The following GREB1 variants were observed in gnomAD, a reference collection of about 807,000 sequenced individuals.
GREB1 encodes growth regulating estrogen receptor binding 1, also known as protein GREB1.
In GREB1, 106 loss-of-function variants were observed where a neutral mutation model predicts 200.7. That is an observed-to-expected ratio of 0.53 (90% confidence interval 0.45 to 0.62). The LOEUF is 0.62. Among genes scored for constraint, GREB1 ranks in the 20% least tolerant of loss-of-function variants. The pLI is 0.00. For missense variants in GREB1, 2,243 were observed against 2,556.8 expected (o/e 0.88, Z 2.65); for synonymous variants, 1,132 against 1,092.4 (o/e 1.04, Z -0.72).
intron 27 of GREB1, 116 bp from the exon 28 acceptor site, chr2:11,632,773 C>T: frequency 1.3e-6 from 1 of 770,220 alleles, no homozygotes; most frequent in Non-Finnish European, 2.2e-6. Flanking sequence ...TGATTCATGT[C>T]AGGAAGGTCG....
intron 1 of GREB1, among the ~76,000 whole-genome samples, chr2:11,504,992 C>T (rs906022981): frequency 4.6e-5 from 7 of 152,078 alleles, no homozygotes; most frequent in East Asian, 3.9e-4. Context: ...AGTGCAGTGA[C>T]GCCATCTCAG....
At chr2:11,611,960 G>A (rs1007958070) in intron 18 of GREB1, among the ~76,000 whole-genome samples, 6 of 152,136 alleles carry the variant, frequency 3.9e-5, no homozygotes, top group Admixed American at 2.6e-4. Context: ...TTAGGAGGCC[G>A]AGGCGGGCGG....
chr2:11,591,707 G>A (rs1452144154), intron 10 of GREB1: 1 of 462,008 alleles, frequency 2.2e-6, no homozygotes, highest in East Asian at 4.1e-5. Context: ...GGCGAAGGAA[G>A]TAACGTTCTA....
chr2:11,554,735 G>T (rs1676266756), intron 1 of GREB1, among the ~76,000 whole-genome samples: 2 of 152,184 alleles, frequency 1.3e-5, no homozygotes, highest in Non-Finnish European at 2.9e-5. Context: ...TAATCTGATT[G>T]ATTTCCTTTC....
intron 2 of GREB1, among the ~76,000 whole-genome samples, chr2:11,559,872 T>TCG (rs1178147163): frequency 6.6e-6 from 1 of 152,126 alleles, no homozygotes; most frequent in African/African-American, 2.4e-5. Flanking sequence ...TTCCTACCAC[T>TCG]CTGTGTCCTC....
At chr2:11,579,008 C>G (rs1259890876) in intron 6 of GREB1, among the ~76,000 whole-genome samples, 1 of 152,182 alleles carries the variant, frequency 6.6e-6, no homozygotes, top group Non-Finnish European at 1.5e-5. Flanking sequence ...GGCACTTCAC[C>G]ATGTTGCACA....
rs752071514 is a variant in GREB1, at chr2:11,580,825, G to A, written c.894G>A (p.Ser298=). ...ACCTGTTGGCCCTGCCGCGACCATCGGCTTTAGGTAGCTCTGCCTGTCCTG... is the reference window on the plus strand; with the variant it reads ...ACCTGTTGGCCCTGCCGCGACCATCAGCTTTAGGTAGCTCTGCCTGTCCTG... ...KNNLLALPRP[S]ALGILSNSGP... Residue 298 remains serine (S), a synonymous_variant, in exon 7 of 33, where the codon TCG becomes TCA. Transcript: ENST00000381486. The surrounding 1 kb of genome is among the most constrained non-coding windows in gnomAD (Gnocchi z 4.5). 146 of 1,614,120 alleles carry A rather than the reference G, an allele frequency of 9.0e-5. No homozygotes were observed. Among genetic ancestry groups the A allele is most frequent in the Non-Finnish European group, 1.2e-4 (137 of 1,180,058 alleles).
Position 11,618,668 on chromosome 2 carries a change from G to A in GREB1, c.3793G>A (p.Val1265Met), listed in dbSNP as rs552693706. The A allele has an allele frequency of 1.8e-5, 29 of 1,613,648 alleles. No individual in the cohort carries two copies. Among genetic ancestry groups the A allele is most frequent in the Middle Eastern group, 3.3e-4 (2 of 6,084 alleles). ...ACCCATTGTCTTCTTGCCCAAGCTCGTGTACGACATGGTTGTGTCCACTGA... is the reference window on the plus strand; with the variant it reads ...ACCCATTGTCTTCTTGCCCAAGCTCATGTACGACATGGTTGTGTCCACTGA... ...QPPIVFLPKL[V>M]YDMVVSTDSS... The change falls in exon 22 of 33, where the codon GTG (valine) becomes ATG (methionine). Residue 1265 changes from valine to methionine, a missense_variant. Val to Met is a conservative substitution (Grantham distance 21). Coordinates refer to ENST00000381486, the MANE Select transcript of GREB1 (RefSeq NM_014668.4).
chr2:11,626,855 A>C (rs1447057420), intron 24 of GREB1, 107 bp from the exon 25 acceptor site: 1 of 1,170,068 alleles, frequency 8.5e-7, no homozygotes, highest in East Asian at 2.4e-5. Flanking sequence ...ACCAGACAGA[A>C]TCCTGTTGTC....
intron 1 of GREB1, among the ~76,000 whole-genome samples, chr2:11,553,255 G>C (rs1676107934): frequency 6.6e-6 from 1 of 152,128 alleles, no homozygotes; most frequent in Non-Finnish European, 1.5e-5. Flanking sequence ...GCTCATGCCT[G>C]TGGTCTCAGC....
At chr2:11,578,735 A>G (rs1468357521) in intron 6 of GREB1, among the ~76,000 whole-genome samples, 3 of 152,112 alleles carry the variant, frequency 2.0e-5, no homozygotes, top group Non-Finnish European at 4.4e-5. Flanking sequence ...CTCTCTATGT[A>G]AAGATGCTGA....
At chr2:11,608,345 T>TTCTG (rs1412152760) in intron 17 of GREB1, among the ~76,000 whole-genome samples, 1 of 152,234 alleles carries the variant, frequency 6.6e-6, no homozygotes, top group Non-Finnish European at 1.5e-5. Flanking sequence ...TGTCTGCAAA[T>TTCTG]TCTGTCATCT....
chr2:11,588,243 A>G (rs1680370290), intron 9 of GREB1: 1 of 998,544 alleles, frequency 1.0e-6, no homozygotes, highest in Non-Finnish European at 1.2e-6. Flanking sequence ...AAAAAAAAGA[A>G]TGACTCAGTC....
intron 3 of GREB1, among the ~76,000 whole-genome samples, chr2:11,565,979 T>C (rs1374001181): frequency 6.6e-6 from 1 of 152,096 alleles, no homozygotes; most frequent in East Asian, 1.9e-4. Context: ...GTGGCACCGA[T>C]ACACAAATAA....
At chr2:11,608,861 A>G (rs1682651751) in intron 17 of GREB1, among the ~76,000 whole-genome samples, 1 of 152,198 alleles carries the variant, frequency 6.6e-6, no homozygotes, top group Non-Finnish European at 1.5e-5. Flanking sequence ...GACCCTCTGC[A>G]GATCTCTCCT....
At chr2:11,515,982 T>G (rs971831459) in intron 1 of GREB1, among the ~76,000 whole-genome samples, 7 of 152,170 alleles carry the variant, frequency 4.6e-5, no homozygotes, top group African/African-American at 1.7e-4. Flanking sequence ...AAAAGCTCAT[T>G]AGAGCTCAGT....
intron 23 of GREB1, among the ~76,000 whole-genome samples, chr2:11,623,494 C>A (rs1035541148): frequency 5.9e-5 from 9 of 152,172 alleles, no homozygotes; most frequent in African/African-American, 2.2e-4. Flanking sequence ...TGAAGACCTT[C>A]TAGTGGGACA....
At chr2:11,547,604 TACAC>T (rs1396019123) in intron 1 of GREB1, among the ~76,000 whole-genome samples, 1 of 152,182 alleles carries the variant, frequency 6.6e-6, no homozygotes, top group African/African-American at 2.4e-5. Flanking sequence ...ATTATAAATA[TACAC>T]ACAGTCTAAA....
Position 11,612,615 on chromosome 2 carries a change from G to A in GREB1, c.3122+5G>A, listed in dbSNP as rs1355634036. The stretch of plus-strand genomic sequence containing the variant: ...GCATGGGGAGTCCTTGCCGAGGTGA[G>A]TGGAGGGGTTATGCCCCTGGGGGTC... On this transcript the variant is annotated splice_donor_5th_base_variant and intron_variant, in intron 19 of 32. Coordinates refer to ENST00000381486, the MANE Select transcript of GREB1 (RefSeq NM_014668.4). The A allele has an allele frequency of 1.3e-6, 2 of 1,588,524 alleles. No homozygotes were observed. The highest frequency in any genetic ancestry group is 4.5e-5 in the East Asian group (2 of 44,752).
Sources: gnomAD v4.1 joint callset for allele counts (sites outside exome capture counted in the v4.1 genomes callset) on GRCh38, gnomAD v4.1.1 for gene constraint, Gnocchi (gnomAD v3.1) non-coding constraint, MANE v1.5 for transcripts, NCBI Gene and HGNC (gene_info 2026-07-23, HGNC 2026-07-21) for gene names.